The following AMY2B variants were observed in gnomAD, a reference collection of about 807,000 sequenced individuals.
AMY2B encodes the protein alpha-amylase 2B.
A neutral mutation model predicts 59.3 loss-of-function variants in AMY2B; 63 were observed. The ratio of observed to expected loss-of-function variants is 1.06; its 90% CI spans 0.87 to 1.31. The LOEUF (loss-of-function observed/expected upper bound fraction) is 1.31, where lower values mean the gene tolerates loss of function less well. AMY2B is among the 50% of genes most tolerant of loss of function. AMY2B has a pLI of 0.00. For missense variants in AMY2B, 635 were observed against 626.7 expected, an observed-to-expected ratio of 1.01 and a Z score of -0.14; for synonymous variants, 180 against 198.1, an observed-to-expected ratio of 0.91 and a Z score of 0.77.
upstream of AMY2B, chr1:103,570,738 C>G: frequency 7.8e-6 from 4 of 512,554 alleles, no homozygotes; most frequent in South Asian, 5.9e-5. Context: ...AAATTTGCCC[C>G]TGGCAAATGC....
At chr1:103,569,658 G>C (rs189208271), upstream of AMY2B, 1 of 388,518 alleles carries the variant, frequency 2.6e-6, no homozygotes, top group African/African-American at 2.1e-5. Flanking sequence ...TCCATCATCG[G>C]TGCCCCCGGC....
chr1:103,562,214 T>G (rs1651755704), intron 1 of AMY2B: 1 of 152,226 alleles, frequency 6.6e-6, no homozygotes, highest in Middle Eastern at 3.2e-3. Context: ...TTCAGTTTGT[T>G]GACAAATCAT....
intron 2 of AMY2B, 138 bp from the exon 3 acceptor site, chr1:103,572,925 T>C: frequency 2.0e-6 from 3 of 1,524,072 alleles, no homozygotes; most frequent in South Asian, 1.2e-5. Flanking sequence ...CAGTTGATTT[T>C]TGATCTTGTA....
rs1212210903 is a variant in AMY2B, at chr1:103,575,283, C to T, written c.939C>T (p.Asn313=). The part of the protein sequence containing the change: ...PSDRALVFVD[N]HDNQRGHGAG... ...ACAGAGCACTTGTCTTTGTGGATAA[C>T]CATGACAATCAACGAGGACATGGGG... Residue 313 remains asparagine (N), a synonymous_variant, in exon 6 of 10, where the codon AAC becomes AAT. Coordinates refer to ENST00000684275, the MANE Select transcript of AMY2B (RefSeq NM_001387437.1). The T allele has an allele frequency of 6.2e-7, 1 of 1,613,496 alleles. No individual in the cohort carries two copies. Among genetic ancestry groups the T allele is most frequent in the Admixed American group, 1.7e-5 (1 of 59,956 alleles).
intron 9 of AMY2B, among the ~76,000 whole-genome samples, chr1:103,578,908 C>CGA (rs1652468023): frequency 1.3e-5 from 2 of 151,760 alleles, no homozygotes; most frequent in South Asian, 4.2e-4. Context: ...TGCTAGATGA[C>CGA]GAGTTAGTGG....
At chr1:103,566,279 C>T (rs1399072786) in intron 2 of AMY2B, among the ~76,000 whole-genome samples, 3 of 152,116 alleles carry the variant, frequency 2.0e-5, no homozygotes, top group Non-Finnish European at 4.4e-5. Context: ...ATATCTTTCA[C>T]TTTATTGTTT....
rs560542913 is a variant in AMY2B, at chr1:103,562,920, G to C, written c.-206-2515G>C. Among the ~76,000 whole-genome samples, 4 of 152,020 alleles carry C rather than the reference G, an allele frequency of 2.6e-5. No homozygotes were observed. In the South Asian group the frequency reaches 8.3e-4, roughly 32 times the overall value. On this transcript the variant is annotated intron_variant, in intron 1 of 11. Coordinates refer to the AMY2B transcript ENST00000361355. Reference sequence around the variant, plus strand: ...GATTTAAGTAGGCTTTGAGCTAAATGATTAAATTTATGGTACTTGATGTGT... The same window carrying C: ...GATTTAAGTAGGCTTTGAGCTAAATCATTAAATTTATGGTACTTGATGTGT...
chr1:103,575,266 C>T lies in AMY2B; in HGVS notation c.922C>T (p.Leu308Phe), dbSNP rs1267365782. ...GWGFMPSDRA[L>F]VFVDNHDNQR... ...GGGTTTCATGCCTTCTGACAGAGCA[C>T]TTGTCTTTGTGGATAACCATGACAA... The change falls in exon 6 of 10, where the codon CTT becomes TTT. Residue 308 changes from leucine (L) to phenylalanine (F), a missense_variant. Coordinates refer to ENST00000684275, the MANE Select transcript of AMY2B (RefSeq NM_001387437.1). 6.2e-7 allele frequency: 1 copy of T among 1,613,618 alleles called. No individual in the cohort carries two copies. The highest frequency in any genetic ancestry group is 1.1e-5 in the South Asian group (1 of 91,066).
chr1:103,570,906 T>TGATTGG (rs1159613218), upstream of AMY2B: 2 of 355,230 alleles, frequency 5.6e-6, no homozygotes, highest in Non-Finnish European at 1.1e-5. Context: ...TACATATCTT[T>TGATTGG]GATTTCAGTC....
At chr1:103,568,063 T>A (rs1251298805), upstream of AMY2B, among the ~76,000 whole-genome samples, 1 of 152,236 alleles carries the variant, frequency 6.6e-6, no homozygotes, top group East Asian at 1.9e-4. Flanking sequence ...CTTATTGCTA[T>A]CTGAAATTAT....
upstream of AMY2B, chr1:103,570,422 A>G: frequency 1.1e-6 from 1 of 876,210 alleles, no homozygotes; most frequent in Non-Finnish European, 1.9e-6. Context: ...ACATCCGCAA[A>G]GACCTGTAGG....
chr1:103,569,605 A>C, upstream of AMY2B: 1 of 396,740 alleles, frequency 2.5e-6, no homozygotes, highest in Non-Finnish European at 5.1e-6. Flanking sequence ...AGCATGTGCA[A>C]AGCTGGCTTT....
chr1:103,576,508 A>C (rs1652360039), intron 7 of AMY2B, among the ~76,000 whole-genome samples: 1 of 152,062 alleles, frequency 6.6e-6, no homozygotes, highest in African/African-American at 2.4e-5. Flanking sequence ...AAAAACTCTT[A>C]GTTTTGTTCA....
upstream of AMY2B, chr1:103,570,356 G>T (rs1335654516): frequency 1.9e-5 from 14 of 724,510 alleles, no homozygotes; most frequent in Non-Finnish European, 3.5e-5. Context: ...CCTGGACATG[G>T]AATCTTGTGG....
chr1:103,575,710 A>AT (rs1245803338), intron 7 of AMY2B, 170 bp downstream of exon 7: 1 of 1,021,966 alleles, frequency 9.8e-7, no homozygotes, highest in African/African-American at 1.6e-5. Flanking sequence ...TAAAATATAT[A>AT]TTTTCCATTG....
At chr1:103,557,803 C>T (rs903565712) in intron 1 of AMY2B, among the ~76,000 whole-genome samples, 5 of 151,916 alleles carry the variant, frequency 3.3e-5, no homozygotes, top group African/African-American at 1.2e-4. Context: ...AAAAAGGTAA[C>T]TACATAAAAT....
chr1:103,565,968 A>G (rs1293510103), intron 2 of AMY2B, among the ~76,000 whole-genome samples: 1 of 152,158 alleles, frequency 6.6e-6, no homozygotes, highest in African/African-American at 2.4e-5. Flanking sequence ...AAACCTTCTG[A>G]GGTAAGTACT....
intron 1 of AMY2B, among the ~76,000 whole-genome samples, chr1:103,562,248 A>ATGTACT (rs1651756809): frequency 6.6e-6 from 1 of 152,210 alleles, no homozygotes; most frequent in Non-Finnish European, 1.5e-5. Context: ...GCAGTACAAA[A>ATGTACT]TGTACTATTT....
chr1:103,563,414 A>G (rs1398305134), intron 1 of AMY2B, among the ~76,000 whole-genome samples: 2 of 152,284 alleles, frequency 1.3e-5, no homozygotes, highest in African/African-American at 4.8e-5. Flanking sequence ...GAAAGTAGAT[A>G]TAACAACTAT....
Sources: allele counts gnomAD v4.1 joint callset (sites outside exome capture counted in the v4.1 genomes callset), GRCh38; gene constraint gnomAD v4.1.1; transcripts MANE v1.5; gene names NCBI Gene and HGNC (gene_info 2026-07-23, HGNC 2026-07-21).